The following ARL8B variants were observed in gnomAD, a reference collection of about 807,000 sequenced individuals.
ARL8B encodes ADP-ribosylation factor-like protein 8B.
Under a neutral mutation model 30.6 loss-of-function variants are expected in ARL8B, and 9 were observed. The observed-to-expected ratio is 0.29, with a 90% CI of 0.18 to 0.51. The LOEUF is 0.51. Ranked by LOEUF, ARL8B falls within the 20% of genes least tolerant of loss-of-function variation. The pLI is 0.97. For missense variants in ARL8B, 130 were observed against 227.2 expected (o/e 0.57, Z 2.75); for synonymous variants, 74 against 76.0 (o/e 0.97, Z 0.14).
At chr3:5,141,033 TC>T (rs1445461884) in intron 1 of ARL8B, among the ~76,000 whole-genome samples, 1 of 152,198 alleles carries the variant, frequency 6.6e-6, no homozygotes, top group Non-Finnish European at 1.5e-5. Context: ...GTTACAATCT[TC>T]CTGGACATTG....
intron 1 of ARL8B, among the ~76,000 whole-genome samples, chr3:5,152,674 T>TA (rs2054495154): frequency 6.6e-6 from 1 of 152,194 alleles, no homozygotes; most frequent in South Asian, 2.1e-4. Flanking sequence ...TTTGTAGAGA[T>TA]AGAGTCTTGC....
intron 1 of ARL8B, among the ~76,000 whole-genome samples, chr3:5,166,154 C>T (rs889824579): frequency 1.1e-4 from 17 of 151,780 alleles, no homozygotes; most frequent in African/African-American, 3.6e-4. Flanking sequence ...ATTCTCCTGC[C>T]TCAGCCTCCC....
Position 5,172,745 on chromosome 3 carries a change from G to A in ARL8B, c.372+5G>A, listed in dbSNP as rs1292602893. 1 of 1,507,870 alleles carries A rather than the reference G, an allele frequency of 6.6e-7. No individual in the cohort carries two copies. Among genetic ancestry groups the A allele is most frequent in the Non-Finnish European group, 9.2e-7 (1 of 1,088,258 alleles). The allele number at this position is 1,507,870 out of a possible 1,614,324, so 93.4% of individuals were successfully genotyped here. ...CCACAGTTACAAGGAATTCCAGTAA[G>A]TATGGAATACTTGTTATTTTACATT... On this transcript the variant is annotated splice_donor_5th_base_variant and intron_variant, in intron 4 of 6. Coordinates refer to ENST00000256496, the MANE Select transcript of ARL8B (RefSeq NM_018184.3).
At chr3:5,140,209 A>G (rs1341028729) in intron 1 of ARL8B, among the ~76,000 whole-genome samples, 2 of 152,102 alleles carry the variant, frequency 1.3e-5, no homozygotes, top group Admixed American at 6.5e-5. Context: ...CCCAAATCTC[A>G]TCTTGAATTG....
chr3:5,131,421 C>T lies in ARL8B; in HGVS notation c.123+8833C>T, dbSNP rs186887331. On this transcript the variant is annotated intron_variant, in intron 1 of 6. Coordinates refer to ENST00000256496, the MANE Select transcript of ARL8B (RefSeq NM_018184.3). The stretch of plus-strand genomic sequence containing the variant: ...TTTTTTTTTTTTTGAGACAGAGTCT[C>T]ACTCTGTCACCCAGGCTGGAGTGCA... 9.9e-5 allele frequency among the ~76,000 whole-genome samples: 15 copies of T among 150,878 alleles called. No individual in the cohort carries two copies. In the East Asian group the frequency reaches 2.9e-3, roughly 29 times the overall value.
chr3:5,172,375 T>A (rs2054684295), intron 3 of ARL8B, 152 bp downstream of exon 3: 3 of 707,780 alleles, frequency 4.2e-6, no homozygotes, highest in Admixed American at 2.8e-5. Context: ...ACATGGGATT[T>A]AAAAAAAATT....
chr3:5,143,944 G>A (rs2054398051), intron 1 of ARL8B, among the ~76,000 whole-genome samples: 1 of 152,204 alleles, frequency 6.6e-6, no homozygotes, highest in Non-Finnish European at 1.5e-5. Context: ...ATTCTGAGGA[G>A]TGCTATTGGG....
intron 1 of ARL8B, among the ~76,000 whole-genome samples, chr3:5,164,706 A>G (rs892391762): frequency 3.9e-5 from 6 of 152,178 alleles, no homozygotes; most frequent in African/African-American, 7.2e-5. Flanking sequence ...GATTTTACCT[A>G]TTCCATTTTT....
chr3:5,140,570 T>TTG (rs2054364659), intron 1 of ARL8B, among the ~76,000 whole-genome samples: 4 of 151,820 alleles, frequency 2.6e-5, no homozygotes, highest in African/African-American at 7.3e-5. Context: ...TTTTTTTTTT[T>TTG]GGCAAAATTT....
intron 1 of ARL8B, among the ~76,000 whole-genome samples, chr3:5,130,054 G>C (rs2054268422): frequency 6.6e-6 from 1 of 152,028 alleles, no homozygotes; most frequent in African/African-American, 2.4e-5. Context: ...AGTAGAGACA[G>C]GGTTTCACCA....
chr3:5,170,186 A>G (rs182660005), intron 1 of ARL8B, among the ~76,000 whole-genome samples: 13 of 152,358 alleles, frequency 8.5e-5, no homozygotes, highest in Non-Finnish European at 1.5e-4. Context: ...CTTTGTGGAA[A>G]TGTACATCTA....
intron 1 of ARL8B, among the ~76,000 whole-genome samples, chr3:5,163,690 C>G (rs1051834536): frequency 9.2e-5 from 14 of 152,012 alleles, no homozygotes; most frequent in African/African-American, 2.4e-5. Flanking sequence ...GCCAACATGG[C>G]GAAACCCCGT....
chr3:5,129,021 A>C (rs544431558), intron 1 of ARL8B, among the ~76,000 whole-genome samples: 12 of 151,618 alleles, frequency 7.9e-5, no homozygotes, highest in African/African-American at 2.7e-4. Flanking sequence ...GATTTTTCCT[A>C]TGTTTTCCTA....
At position 5,150,001 on chromosome 3, in the gene ARL8B, G is replaced by A; in HGVS notation, c.124-20502G>A. 1.3e-5 allele frequency among the ~76,000 whole-genome samples: 2 copies of A among 152,130 alleles called. 1 individual carries two copies. The highest frequency in any genetic ancestry group is 2.9e-5 in the Non-Finnish European group (2 of 68,038). ...ATATATCCCTCTTGCTTGCTGTTAA[G>A]TATCTTATATCATTGTACTTGTTTT... On this transcript the variant is annotated intron_variant, in intron 1 of 6. Coordinates refer to ENST00000256496, the MANE Select transcript of ARL8B (RefSeq NM_018184.3).
chr3:5,148,742 A>AG (rs1226214604), intron 1 of ARL8B, among the ~76,000 whole-genome samples: 1 of 152,170 alleles, frequency 6.6e-6, no homozygotes, highest in Non-Finnish European at 1.5e-5. Context: ...AGGCCAAAAA[A>AG]GATCGAAGGC....
chr3:5,131,883 G>A (rs1407708138), intron 1 of ARL8B, among the ~76,000 whole-genome samples: 1 of 151,598 alleles, frequency 6.6e-6, no homozygotes, highest in Non-Finnish European at 1.5e-5. Context: ...GAATTTTTCT[G>A]TCATTCTTTC....
At chr3:5,148,171 G>A (rs1385322960) in intron 1 of ARL8B, among the ~76,000 whole-genome samples, 2 of 151,990 alleles carry the variant, frequency 1.3e-5, no homozygotes, top group African/African-American at 4.8e-5. Flanking sequence ...TAAAAGCTGG[G>A]TCCTACGAAT....
intron 6 of ARL8B, among the ~76,000 whole-genome samples, chr3:5,176,835 A>T (rs779552455): frequency 1.3e-5 from 2 of 152,210 alleles, no homozygotes; most frequent in African/African-American, 4.8e-5. Context: ...GTGGTTCTCA[A>T]TGGGGAGCTT....
At chr3:5,135,423 G>A (rs539942046) in intron 1 of ARL8B, among the ~76,000 whole-genome samples, 42 of 151,762 alleles carry the variant, frequency 2.8e-4, no homozygotes, top group African/African-American at 9.0e-4. Flanking sequence ...GAGATTGCAG[G>A]TGTGAGCCAT....
Sources: gnomAD v4.1 joint callset for allele counts (sites outside exome capture counted in the v4.1 genomes callset) on GRCh38, gnomAD v4.1.1 for gene constraint, MANE v1.5 for transcripts, NCBI Gene and HGNC (gene_info 2026-07-23, HGNC 2026-07-21) for gene names.